OLA1: variants seen among roughly 807,000 people sequenced by gnomAD.
The protein encoded by OLA1 is Obg like ATPase 1.
OLA1 carries 14 observed loss-of-function variants against 48.4 expected under a neutral mutation model. The ratio of observed to expected loss-of-function variants is 0.29; its 90% confidence interval spans 0.19 to 0.45. The LOEUF is 0.45. Ranked by LOEUF, OLA1 falls within the 20% of genes least tolerant of loss-of-function variation. OLA1 has a pLI of 1.00. For synonymous variants in OLA1, 127 were observed against 150.4 expected, an observed-to-expected ratio of 0.84 and a Z score of 1.14; for missense variants, 325 against 467.1, an observed-to-expected ratio of 0.70 and a Z score of 2.80.
chr2:174,099,410 T>A (rs1330810861), intron 7 of OLA1, among the ~76,000 whole-genome samples: 2 of 152,174 alleles, frequency 1.3e-5, no homozygotes, highest in African/African-American at 2.4e-5. Context: ...CGCCTTGGCC[T>A]CCTGAAGTGC....
chr2:174,246,801 CT>C lies in OLA1; in HGVS notation c.14del (p.Lys5ArgfsTer19). 6.2e-7 allele frequency: 1 copy of C among 1,611,076 alleles called. No homozygotes were observed. The highest frequency in any genetic ancestry group is 8.5e-7 in the Non-Finnish European group (1 of 1,178,324). MPPK[K>X]GGDGIKPPPI... is the part of the protein sequence containing the mutation. ...GGGGTGGTTTAATTCCATCACCTCCCTTTTTAGGGGGCATCTGAAATACCAA... is the reference window on the plus strand; with the variant it reads ...GGGGTGGTTTAATTCCATCACCTCCCTTTTAGGGGGCATCTGAAATACCAA... On this transcript the variant is annotated frameshift_variant, in exon 2 of 11. Transcript: ENST00000284719. LOFTEE classifies it high-confidence loss of function.
chr2:174,114,266 C>T (rs1431629633), intron 7 of OLA1, among the ~76,000 whole-genome samples: 3 of 140,380 alleles, frequency 2.1e-5, no homozygotes, highest in Non-Finnish European at 3.0e-5. Flanking sequence ...GGCGTGAACC[C>T]GGGAGGAGGA....
At chr2:174,195,724 C>A (rs943310495) in intron 4 of OLA1, among the ~76,000 whole-genome samples, 3 of 152,194 alleles carry the variant, frequency 2.0e-5, no homozygotes, top group Non-Finnish European at 4.4e-5. Flanking sequence ...ATTGCAGAGG[C>A]ATACCACTGG....
intron 4 of OLA1, among the ~76,000 whole-genome samples, chr2:174,170,227 C>T (rs983524810): frequency 1.3e-5 from 2 of 151,582 alleles, no homozygotes; most frequent in Non-Finnish European, 2.9e-5. Context: ...AGCGAGACTC[C>T]GTCTCAAAAA....
intron 4 of OLA1, among the ~76,000 whole-genome samples, chr2:174,185,055 AGC>A (rs1409395241): frequency 6.6e-6 from 1 of 152,194 alleles, no homozygotes; most frequent in Non-Finnish European, 1.5e-5. Flanking sequence ...TAAATGGTCC[AGC>A]TTGGTGGAGC....
At chr2:174,105,932 A>G (rs888822665) in intron 7 of OLA1, among the ~76,000 whole-genome samples, 3 of 152,088 alleles carry the variant, frequency 2.0e-5, no homozygotes, top group Non-Finnish European at 4.4e-5. Flanking sequence ...CAATTAAGCT[A>G]GGTACATACA....
At chr2:174,189,468 TA>T (rs1320039773) in intron 4 of OLA1, among the ~76,000 whole-genome samples, 1 of 151,788 alleles carries the variant, frequency 6.6e-6, no homozygotes, top group Non-Finnish European at 1.5e-5. Flanking sequence ...AACAATACAA[TA>T]AGGGACAAGC....
At chr2:174,193,747 C>A (rs1416486477) in intron 4 of OLA1, among the ~76,000 whole-genome samples, 1 of 152,128 alleles carries the variant, frequency 6.6e-6, no homozygotes, top group African/African-American at 2.4e-5. Context: ...TTCTTTTACA[C>A]CAGGAATCGC....
intron 7 of OLA1, among the ~76,000 whole-genome samples, chr2:174,082,545 T>A (rs373107525): frequency 6.6e-6 from 1 of 152,156 alleles, no homozygotes; most frequent in South Asian, 2.1e-4. Context: ...GTTTAGTTCC[T>A]TCATGGACTA....
intron 4 of OLA1, among the ~76,000 whole-genome samples, chr2:174,145,359 T>C (rs1686568779): frequency 6.6e-6 from 1 of 152,150 alleles, no homozygotes; most frequent in Admixed American, 6.5e-5. Context: ...AAATTCTCAC[T>C]AGTTCACTAG....
chr2:174,082,257 T>G lies in OLA1; in HGVS notation c.729-193A>C, dbSNP rs10930635. 7.2e-5 allele frequency among the ~76,000 whole-genome samples: 11 copies of G among 152,214 alleles called. No homozygotes were observed. The East Asian group carries it at 1.5e-3, about 21-fold the overall frequency. On this transcript the variant is annotated intron_variant, in intron 7 of 10. Coordinates refer to ENST00000284719, the MANE Select transcript of OLA1 (RefSeq NM_013341.5). Reference sequence around the variant, plus strand: ...TCAGGTATACGCCATAGTATTTTACTGTAACCTAGTTTTACTTTAGCACAT... The same window carrying G: ...TCAGGTATACGCCATAGTATTTTACGGTAACCTAGTTTTACTTTAGCACAT...
At position 174,127,258 on chromosome 2, in the gene OLA1, C is replaced by A. The variant is rs560442505; in HGVS notation, c.550-3583G>T. Reference sequence around the variant, plus strand: ...TTGAAGGTTCATGTTCTCTTCCATACCCTGGCATATTTGTCTTCCTTACTG... The same window carrying A: ...TTGAAGGTTCATGTTCTCTTCCATAACCTGGCATATTTGTCTTCCTTACTG... On this transcript the variant is annotated intron_variant, in intron 5 of 10. Coordinates refer to ENST00000284719, the MANE Select transcript of OLA1 (RefSeq NM_013341.5). Among the ~76,000 whole-genome samples the A allele has an allele frequency of 7.2e-5, 11 of 152,268 alleles. 1 individual carries two copies. In the South Asian group the frequency reaches 2.1e-3, roughly 29 times the overall value.
At chr2:174,144,951 A>AAAAAAT (rs1181030817) in intron 4 of OLA1, among the ~76,000 whole-genome samples, 1 of 40,276 alleles carries the variant, frequency 2.5e-5, no homozygotes, top group African/African-American at 1.0e-4. Context: ...AAAAAAAAAA[A>AAAAAAT]ATATATATAT....
chr2:174,211,594 C>T lies in OLA1; in HGVS notation c.373+11439G>A, dbSNP rs970688910. Among the ~76,000 whole-genome samples, 4 of 152,074 alleles carry T rather than the reference C, an allele frequency of 2.6e-5. 1 individual carries two copies. The highest frequency in any genetic ancestry group is 1.3e-4 in the Admixed American group (2 of 15,270). ...CTCATATTTAAAAATCAGAATAATA[C>T]ATATTCGCTTTTTTAAAAGCAAAGG... On this transcript the variant is annotated intron_variant, in intron 4 of 10. Coordinates refer to ENST00000284719, the MANE Select transcript of OLA1 (RefSeq NM_013341.5).
At chr2:174,179,825 C>T (rs954500453) in intron 4 of OLA1, among the ~76,000 whole-genome samples, 1 of 152,066 alleles carries the variant, frequency 6.6e-6, no homozygotes, top group Admixed American at 6.6e-5. Flanking sequence ...ATAATTGAAA[C>T]ACTCCTTGTT....
At chr2:174,158,377 G>T (rs1686935688) in intron 4 of OLA1, among the ~76,000 whole-genome samples, 1 of 151,964 alleles carries the variant, frequency 6.6e-6, no homozygotes, top group Non-Finnish European at 1.5e-5. Flanking sequence ...AGAAGGGGTG[G>T]TTATTGTATT....
At chr2:174,187,488 G>A (rs1687681707) in intron 4 of OLA1, among the ~76,000 whole-genome samples, 1 of 152,190 alleles carries the variant, frequency 6.6e-6, no homozygotes. Flanking sequence ...AAAAAGGCAT[G>A]GATCACCACA....
chr2:174,213,790 T>C (rs921463474), intron 4 of OLA1, among the ~76,000 whole-genome samples: 1 of 152,134 alleles, frequency 6.6e-6, no homozygotes, highest in Admixed American at 6.6e-5. Context: ...TTACTGAAGA[T>C]GAAAGAGAAA....
intron 4 of OLA1, among the ~76,000 whole-genome samples, chr2:174,164,388 T>TAGTGCAGAATGGA (rs1336618491): frequency 1.9e-4 from 29 of 149,470 alleles, no homozygotes; most frequent in African/African-American, 5.6e-4. Flanking sequence ...CCATTCTGTT[T>TAGTGCAGAATGGA]TATGTTTGGT....
Sources: gnomAD v4.1 joint callset for allele counts (sites outside exome capture counted in the v4.1 genomes callset) on GRCh38, gnomAD v4.1.1 for gene constraint, MANE v1.5 for transcripts, NCBI Gene and HGNC (gene_info 2026-07-23, HGNC 2026-07-21) for gene names.